KAZN: variants seen among roughly 807,000 people sequenced by gnomAD.
KAZN encodes kazrin, periplakin interacting protein.
In KAZN, 40 loss-of-function variants were observed where a neutral mutation model predicts 87.4. That is an observed-to-expected ratio of 0.46 (90% CI 0.36 to 0.60). The LOEUF (loss-of-function observed/expected upper bound fraction) is 0.60, where lower values mean the gene tolerates loss of function less well. Ranked by LOEUF, KAZN falls within the 20% of genes least tolerant of loss-of-function variation. KAZN has a pLI of 0.00. For synonymous variants in KAZN, 466 were observed against 458.3 expected (o/e 1.02, Z -0.22); for missense variants, 898 against 1,073.9 (o/e 0.84, Z 2.29).
intron 2 of KAZN, among the ~76,000 whole-genome samples, chr1:14,556,921 G>A (rs946359928): frequency 7.2e-5 from 11 of 152,118 alleles, no homozygotes; most frequent in East Asian, 3.8e-4. Context: ...ACAGTTTGTC[G>A]CCAAATTCAG....
At chr1:15,060,418 C>G (rs758125668) in intron 6 of KAZN, 116 bp downstream of exon 6, 19 of 1,323,014 alleles carry the variant, frequency 1.4e-5, no homozygotes, top group Admixed American at 5.9e-5. Context: ...AGGGAGCACT[C>G]TGGCGAATGC....
intron 1 of KAZN, among the ~76,000 whole-genome samples, chr1:14,116,158 C>T (rs931429667): frequency 1.3e-5 from 2 of 152,200 alleles, no homozygotes; most frequent in Non-Finnish European, 2.9e-5. Flanking sequence ...TCCAAGCTGA[C>T]TTAAGAAATT....
chr1:14,627,135 A>G (rs563978590), intron 1 of KAZN, among the ~76,000 whole-genome samples: 136 of 151,662 alleles, frequency 9.0e-4, no homozygotes, highest in Non-Finnish European at 1.8e-3. Flanking sequence ...TGGGGCTGCT[A>G]AGGGAAATCA....
chr1:13,984,151 C>T (rs1233635751), intron 1 of KAZN, among the ~76,000 whole-genome samples: 4 of 152,144 alleles, frequency 2.6e-5, no homozygotes, highest in African/African-American at 7.2e-5. Flanking sequence ...GCTGGGACTA[C>T]AGGCGCCCGC....
chr1:15,094,952 G>T lies in KAZN; in HGVS notation c.1547+19G>T. 1 of 1,526,504 alleles carries T rather than the reference G, an allele frequency of 6.6e-7. No individual in the cohort carries two copies. The highest frequency in any genetic ancestry group is 8.9e-7 in the Non-Finnish European group (1 of 1,126,068). The allele number at this position is 1,526,504 out of a possible 1,614,324, so 94.6% of individuals were successfully genotyped here. The stretch of plus-strand genomic sequence containing the variant: ...GCCGCAGGTGAGCCCACCACGAGGG[G>T]CCCCGGGGGAGGAGAGAAAAAGTCA... On this transcript the variant is annotated intron_variant, in intron 10 of 14. Coordinates refer to ENST00000376030, the MANE Select transcript of KAZN (RefSeq NM_201628.3). This position sits in a 1 kb window ranked among gnomAD's most constrained non-coding sequence, Gnocchi z 4.5.
chr1:14,461,472 A>T (rs1389123455), intron 2 of KAZN, among the ~76,000 whole-genome samples: 1 of 152,122 alleles, frequency 6.6e-6, no homozygotes, highest in Non-Finnish European at 1.5e-5. Flanking sequence ...TTCTGCCATG[A>T]TTGTGAAGCC....
intron 2 of KAZN, among the ~76,000 whole-genome samples, chr1:14,274,411 A>G (rs575018546): frequency 2.6e-5 from 4 of 152,284 alleles, no homozygotes; most frequent in African/African-American, 7.2e-5. Context: ...AAGCTGGCCA[A>G]TGATCTCATG....
chr1:13,900,249 C>A (rs1270586414), intron 1 of KAZN, among the ~76,000 whole-genome samples: 1 of 152,040 alleles, frequency 6.6e-6, no homozygotes, highest in Non-Finnish European at 1.5e-5. Context: ...GAACTCCAGG[C>A]CTTAAAGGGA....
intron 1 of KAZN, among the ~76,000 whole-genome samples, chr1:14,669,787 C>T (rs950373479): frequency 6.6e-6 from 1 of 152,110 alleles, no homozygotes; most frequent in Non-Finnish European, 1.5e-5. Flanking sequence ...AAAACCGAGG[C>T]CCTGTGAACC....
At chr1:14,901,477 G>A in intron 1 of KAZN, among the ~76,000 whole-genome samples, 1 of 152,102 alleles carries the variant, frequency 6.6e-6, no homozygotes, top group East Asian at 1.9e-4. Flanking sequence ...CCAGGCAGGG[G>A]AGTCACATGG....
intron 2 of KAZN, among the ~76,000 whole-genome samples, chr1:14,994,512 A>G (rs181715101): frequency 1.1e-4 from 17 of 152,306 alleles, no homozygotes; most frequent in Admixed American, 1.0e-3. Flanking sequence ...ACAGTTGAGC[A>G]TTTCTCAGTG....
intron 2 of KAZN, among the ~76,000 whole-genome samples, chr1:14,462,199 C>T (rs535848172): frequency 1.3e-5 from 2 of 151,844 alleles, no homozygotes; most frequent in South Asian, 2.1e-4. Context: ...TTGTAAGAGA[C>T]AGGAGTAAAC....
intron 1 of KAZN, among the ~76,000 whole-genome samples, chr1:14,102,425 G>A (rs565327187): frequency 5.3e-5 from 8 of 151,516 alleles, no homozygotes; most frequent in Middle Eastern, 3.5e-3. Context: ...CCACCCATGT[G>A]ACCCCTCCTG....
chr1:14,141,961 A>AT (rs5772566), intron 1 of KAZN, among the ~76,000 whole-genome samples: 100,426 of 151,916 alleles, frequency 0.66, 34,261 homozygotes, highest in African/African-American at 0.81. Flanking sequence ...GAGAATTGAT[A>AT]TTTTTTCCCC....
chr1:14,011,069 C>T (rs1640278258), intron 1 of KAZN, among the ~76,000 whole-genome samples: 1 of 152,110 alleles, frequency 6.6e-6, no homozygotes, highest in Non-Finnish European at 1.5e-5. Context: ...AGCATCTGCC[C>T]ACATCTCACC....
intron 2 of KAZN, among the ~76,000 whole-genome samples, chr1:14,569,243 T>C (rs1674712332): frequency 1.3e-5 from 2 of 151,364 alleles, no homozygotes; most frequent in South Asian, 4.2e-4. Context: ...AGTCCTGCCA[T>C]ACAAAAATGT....
At chr1:14,204,903 C>T (rs1240433843) in intron 2 of KAZN, among the ~76,000 whole-genome samples, 2 of 152,238 alleles carry the variant, frequency 1.3e-5, no homozygotes, top group African/African-American at 4.8e-5. Flanking sequence ...GGAATGCTAA[C>T]TGCTGTCAGA....
At chr1:13,902,055 C>CA (rs1357650823) in intron 1 of KAZN, among the ~76,000 whole-genome samples, 2 of 152,256 alleles carry the variant, frequency 1.3e-5, no homozygotes, top group African/African-American at 4.8e-5. Flanking sequence ...TACTGATACA[C>CA]ACGGCCCCAG....
chr1:14,443,824 C>T (rs978443699), intron 2 of KAZN, among the ~76,000 whole-genome samples: 1 of 152,166 alleles, frequency 6.6e-6, no homozygotes, highest in East Asian at 1.9e-4. Context: ...GGTATAGCAG[C>T]ATTTTGCTAT....
Sources: allele counts gnomAD v4.1 joint callset (sites outside exome capture counted in the v4.1 genomes callset), GRCh38; gene constraint gnomAD v4.1.1; non-coding constraint Gnocchi (gnomAD v3.1); transcripts MANE v1.5; gene names NCBI Gene and HGNC (gene_info 2026-07-23, HGNC 2026-07-21).